The following TLN2 variants were observed in gnomAD, a reference collection of about 807,000 sequenced individuals.
TLN2 encodes talin-2.
TLN2 carries 118 observed loss-of-function variants against 294.7 expected under a neutral mutation model. That is an observed-to-expected ratio of 0.40 (90% CI 0.34 to 0.47). The LOEUF (loss-of-function observed/expected upper bound fraction) is 0.47. TLN2 is among the 20% of genes least tolerant of loss of function. The pLI, the probability that TLN2 is intolerant of heterozygous loss-of-function variation, is 0.84. For missense variants in TLN2, 3,083 were observed against 3,282.2 expected (o/e 0.94, Z 1.48); for synonymous variants, 1,431 against 1,304.5 (o/e 1.10, Z -2.09).
intron 2 of TLN2, among the ~76,000 whole-genome samples, chr15:62,608,919 C>G (rs1422985183): frequency 6.6e-6 from 1 of 151,830 alleles, no homozygotes; most frequent in African/African-American, 2.4e-5. Flanking sequence ...TGGGGCCGGA[C>G]AGAAGTCAGA....
At chr15:62,640,893 C>T (rs2050995693) in intron 3 of TLN2, among the ~76,000 whole-genome samples, 1 of 152,122 alleles carries the variant, frequency 6.6e-6, no homozygotes, top group Admixed American at 6.5e-5. Flanking sequence ...CCACTACCTC[C>T]CGGGTTCCAG....
intron 9 of TLN2, among the ~76,000 whole-genome samples, chr15:62,671,469 A>G (rs939712305): frequency 2.0e-5 from 3 of 152,172 alleles, no homozygotes; most frequent in Non-Finnish European, 4.4e-5. Context: ...GGTGTGAAGT[A>G]GGGGGTCCAA....
intron 5 of TLN2, 62 bp from the exon 6 acceptor site, chr15:62,651,943 G>T (rs1596501405): frequency 2.0e-6 from 3 of 1,471,578 alleles, no homozygotes; most frequent in Non-Finnish European, 9.1e-7. Context: ...AAAGAAAAGT[G>T]TTCAAGTTTG....
chr15:62,707,394 T>C, intron 20 of TLN2, 141 bp downstream of exon 20: 1 of 1,039,204 alleles, frequency 9.6e-7, no homozygotes, highest in Non-Finnish European at 1.3e-6. Flanking sequence ...TAAGTGATGA[T>C]AGGATTTTAG....
intron 3 of TLN2, among the ~76,000 whole-genome samples, chr15:62,636,977 C>T (rs898590163): frequency 2.6e-5 from 4 of 152,192 alleles, no homozygotes; most frequent in Admixed American, 6.5e-5. Flanking sequence ...CCCAACCCCA[C>T]GTAAAAGCCA....
At chr15:62,672,327 T>G (rs1333636390) in intron 9 of TLN2, among the ~76,000 whole-genome samples, 1 of 152,150 alleles carries the variant, frequency 6.6e-6, no homozygotes, top group East Asian at 1.9e-4. Context: ...AATGATTTTT[T>G]AAAAAAATCT....
At chr15:62,602,339 A>G (rs2047072446) in intron 2 of TLN2, among the ~76,000 whole-genome samples, 1 of 152,182 alleles carries the variant, frequency 6.6e-6, no homozygotes, top group African/African-American at 2.4e-5. Flanking sequence ...TATATTCGAA[A>G]GATATTTTGA....
At chr15:62,761,279 A>T (rs769427787) in intron 37 of TLN2, among the ~76,000 whole-genome samples, 16 of 152,238 alleles carry the variant, frequency 1.1e-4, no homozygotes, top group South Asian at 6.2e-4. Context: ...TTGGAAGAGA[A>T]TAGATTTAAT....
At chr15:62,698,716 C>T (rs373527069) in intron 15 of TLN2, 38 bp from the exon 16 acceptor site, 27 of 1,550,390 alleles carry the variant, frequency 1.7e-5, no homozygotes, top group Middle Eastern at 1.8e-4. Flanking sequence ...CGGTCCCAGG[C>T]GTGTGGGATG....
chr15:62,464,575 A>ATTT (rs1566995851), intron 1 of TLN2, among the ~76,000 whole-genome samples: 3 of 108,670 alleles, frequency 2.8e-5, no homozygotes, highest in African/African-American at 1.0e-4. Context: ...AGTATATTTA[A>ATTT]AAAAAAAAAA....
chr15:62,566,107 A>C (rs554667216), intron 1 of TLN2, among the ~76,000 whole-genome samples: 1 of 152,218 alleles, frequency 6.6e-6, no homozygotes, highest in Non-Finnish European at 1.5e-5. Flanking sequence ...GACTGAGATA[A>C]AGCATGGCAA....
intron 52 of TLN2, among the ~76,000 whole-genome samples, chr15:62,815,544 C>A (rs2067045452): frequency 6.6e-6 from 1 of 152,190 alleles, no homozygotes; most frequent in African/African-American, 2.4e-5. Context: ...AAGTTGAGGT[C>A]ATTTTCAGGT....
At chr15:62,673,521 C>T (rs2055743117) in intron 9 of TLN2, among the ~76,000 whole-genome samples, 1 of 148,054 alleles carries the variant, frequency 6.8e-6, no homozygotes, top group Non-Finnish European at 1.5e-5. Flanking sequence ...ATAAATATTT[C>T]CTTTGTTTCT....
intron 27 of TLN2, 118 bp downstream of exon 27, chr15:62,725,222 G>T: frequency 1.4e-6 from 2 of 1,401,446 alleles, no homozygotes; most frequent in Non-Finnish European, 1.9e-6. Context: ...TAATCCTGTG[G>T]TCTTTTTCTG....
chr15:62,762,235 C>T (rs1469516242), intron 38 of TLN2, 37 bp from the exon 39 acceptor site: 2 of 1,611,380 alleles, frequency 1.2e-6, no homozygotes, highest in Non-Finnish European at 1.7e-6. Flanking sequence ...CTCATGTCTT[C>T]GACCCTGACT....
At chr15:62,612,328 T>C (rs1252475995) in intron 2 of TLN2, among the ~76,000 whole-genome samples, 1 of 152,202 alleles carries the variant, frequency 6.6e-6, no homozygotes, top group Non-Finnish European at 1.5e-5. Context: ...CCATGGTCAG[T>C]GTCACAGTCT....
rs34685862 is a variant in TLN2, at chr15:62,703,650, C to CACAGAG, written c.2004+787_2004+788insCAGAGA. Reference sequence around the variant, plus strand: ...GCGCACACACACACACACACACACACAGAGAAAGAGAGAGAGAATTTCCTT... The same window carrying CACAGAG: ...GCGCACACACACACACACACACACACACAGAGAGAGAAAGAGAGAGAGAATTTCCTT... On this transcript the variant is annotated intron_variant, in intron 19 of 58. Coordinates refer to ENST00000636159, the MANE Select transcript of TLN2 (RefSeq NM_015059.3). Among the ~76,000 whole-genome samples the CACAGAG allele has an allele frequency of 1.7e-3, 262 of 149,912 alleles. 1 individual carries two copies. The highest frequency in any genetic ancestry group is 6.2e-3 in the African/African-American group (252 of 40,696).
At chr15:62,743,659 G>C (rs1041536877) in intron 32 of TLN2, among the ~76,000 whole-genome samples, 2 of 152,126 alleles carry the variant, frequency 1.3e-5, no homozygotes, top group African/African-American at 4.8e-5. Context: ...CCAACCAGGG[G>C]CTGGTCAGGT....
rs1270616618 is a variant in TLN2 at position 62,722,345 on chromosome 15, C to T, written c.2992-8C>T. ...GAGCCATCTTACTTTCTTTTCATCT[C>T]TCTATAGCCTGGAAGCAAGATGGTG... On this transcript the variant is annotated splice_polypyrimidine_tract_variant and splice_region_variant and intron_variant, in intron 25 of 58. Transcript: ENST00000636159. The T allele has an allele frequency of 1.2e-6, 2 of 1,604,288 alleles. No homozygotes were observed. The highest frequency in any genetic ancestry group is 1.7e-6 in the Non-Finnish European group (2 of 1,173,036).
Sources: allele counts gnomAD v4.1 joint callset (sites outside exome capture counted in the v4.1 genomes callset), GRCh38; gene constraint gnomAD v4.1.1; transcripts MANE v1.5; gene names NCBI Gene and HGNC (gene_info 2026-07-23, HGNC 2026-07-21).